ASXL3: variants seen among roughly 807,000 people sequenced by gnomAD.
ASXL3 encodes the protein ASXL transcriptional regulator 3.
In ASXL3, 34 loss-of-function variants were observed where a neutral mutation model predicts 170.6. That is an observed-to-expected ratio of 0.20 (90% CI 0.15 to 0.27). The LOEUF is 0.27. Among genes scored for constraint, ASXL3 ranks in the 10% least tolerant of loss-of-function variants. The pLI is 1.00. For synonymous variants in ASXL3, 1,002 were observed against 989.1 expected, an observed-to-expected ratio of 1.01 and a Z score of -0.24; for missense variants, 2,592 against 2,695.3, an observed-to-expected ratio of 0.96 and a Z score of 0.85.
chr18:33,726,459 G>A (rs2067352407), intron 8 of ASXL3, among the ~76,000 whole-genome samples: 1 of 152,000 alleles, frequency 6.6e-6, no homozygotes, highest in South Asian at 2.1e-4. Context: ...CGGCTCACTA[G>A]AATATGAAAT....
Position 33,745,906 on chromosome 18 carries a change from C to A in ASXL3, c.6058C>A (p.Pro2020Thr). 2 of 1,605,480 alleles carry A rather than the reference C, an allele frequency of 1.2e-6. No individual in the cohort carries two copies. Among genetic ancestry groups the A allele is most frequent in the African/African-American group, 2.7e-5 (2 of 74,222 alleles). Residue 2020 changes from proline to threonine, a missense_variant, in exon 12 of 12, where the codon CCA (proline) becomes ACA (threonine). Pro to Thr is a conservative substitution (Grantham distance 38). Around this residue, in one of 4 missense-constraint regions of ASXL3, gnomAD observed 2,246 missense variants for 2,219.6 expected, o/e 1.01. Coordinates refer to ENST00000269197, the MANE Select transcript of ASXL3 (RefSeq NM_030632.3). ...PNKALVHPPP[P>T]PPPPPPPPLA... is the part of the protein sequence containing the mutation. ...CAAAGCACTAGTACATCCGCCGCCG[C>A]CACCGCCTCCCCCTCCCCCTCCACC...
chr18:33,721,597 A>G (rs1209779850), intron 8 of ASXL3, among the ~76,000 whole-genome samples: 2 of 152,116 alleles, frequency 1.3e-5, no homozygotes, highest in Non-Finnish European at 2.9e-5. Context: ...AAACTCCATC[A>G]TAACAATAAT....
intron 5 of ASXL3, among the ~76,000 whole-genome samples, chr18:33,667,836 C>G (rs1265099332): frequency 6.6e-6 from 1 of 152,194 alleles, no homozygotes; most frequent in Non-Finnish European, 1.5e-5. Flanking sequence ...AAACTACTGT[C>G]CCTATTCACC....
At chr18:33,648,478 C>T (rs2065949386) in intron 4 of ASXL3, among the ~76,000 whole-genome samples, 1 of 151,930 alleles carries the variant, frequency 6.6e-6, no homozygotes, top group Non-Finnish European at 1.5e-5. Context: ...TTCAAGGGAA[C>T]CAGTTAAGGG....
chr18:33,676,039 A>G (rs1344183399), intron 7 of ASXL3, among the ~76,000 whole-genome samples: 3 of 151,858 alleles, frequency 2.0e-5, no homozygotes, highest in South Asian at 2.1e-4. Flanking sequence ...CCTGGCTAAC[A>G]CAGTGAAACC....
At chr18:33,715,643 G>A (rs1456037143) in intron 8 of ASXL3, among the ~76,000 whole-genome samples, 6 of 152,024 alleles carry the variant, frequency 3.9e-5, no homozygotes, top group Admixed American at 2.6e-4. Flanking sequence ...TAACAATAAC[G>A]TTTCTAATTT....
chr18:33,646,108 T>C, intron 3 of ASXL3, 137 bp from the exon 4 acceptor site: 1 of 619,218 alleles, frequency 1.6e-6, no homozygotes, highest in Non-Finnish European at 2.6e-6. Context: ...AGAATGATTT[T>C]ACATTAAAAA....
chr18:33,622,367 T>C (rs1431038466), intron 2 of ASXL3, among the ~76,000 whole-genome samples: 1 of 152,188 alleles, frequency 6.6e-6, no homozygotes, highest in Non-Finnish European at 1.5e-5. Context: ...GTTACAAGTG[T>C]ATGCTGCTGA....
At position 33,750,385 on chromosome 18, in the gene ASXL3, T is replaced by C. The variant is rs2067865583; in HGVS notation, c.*3790T>C. On this transcript the variant is annotated 3_prime_UTR_variant, in exon 12 of 12. Coordinates refer to ENST00000269197, the MANE Select transcript of ASXL3 (RefSeq NM_030632.3). ...ACTATATTTGATAGTTGCAGAATAA[T>C]TTAGACTGTAGAAAAACTTTGTTGT... The C allele has an allele frequency of 6.6e-6, 1 of 152,248 alleles. No homozygotes were observed. 9.4% of individuals were successfully genotyped at this position (152,248 alleles called of 1,614,324 possible).
At position 33,661,698 on chromosome 18, in the gene ASXL3, G is replaced by T. The variant is rs773723440; in HGVS notation, c.438G>T (p.Val146=). The T allele has an allele frequency of 1.2e-6, 2 of 1,612,884 alleles. No individual in the cohort carries two copies. The highest frequency in any genetic ancestry group is 1.7e-5 in the Admixed American group (1 of 59,802). The change falls in exon 5 of 12, where the codon GTG becomes GTT. Residue 146 remains valine, a synonymous_variant. Transcript: ENST00000269197. ...ACACAGCAGTGCAAAGCAAGTTAGT[G>T]TCTTCCTTCCAGCAGCACACCAAAA... ...LTNTAVQSKL[V]SSFQQHTKKA...
rs143739722 is a variant in ASXL3 at position 33,618,769 on chromosome 18, TTGA to T, written c.137+11096_137+11098del. Among the ~76,000 whole-genome samples, 420 of 152,268 alleles carry T rather than the reference TTGA, an allele frequency of 2.8e-3. 5 individuals are homozygous for T. The highest frequency in any genetic ancestry group is 9.4e-3 in the African/African-American group (389 of 41,576). On this transcript the variant is annotated intron_variant, in intron 2 of 11. Transcript: ENST00000269197. ...GTGAAGCATATCTTAAGCCTCATAC[TTGA>T]TGTTATTTTTTGATTTTAAAGTTGA...
chr18:33,626,272 T>G (rs749413471), intron 2 of ASXL3, among the ~76,000 whole-genome samples: 12 of 152,124 alleles, frequency 7.9e-5, no homozygotes, highest in Admixed American at 2.6e-4. Context: ...GCTCCATTGA[T>G]CATTTAAAAA....
At chr18:33,623,353 T>C (rs1379922339) in intron 2 of ASXL3, among the ~76,000 whole-genome samples, 1 of 152,174 alleles carries the variant, frequency 6.6e-6, no homozygotes, top group East Asian at 1.9e-4. Flanking sequence ...AATACTGGAC[T>C]TGTGATATTT....
rs773896616 is a variant in ASXL3, at chr18:33,578,645, GGAA to G, written c.22_24del (p.Lys8del). On this transcript the variant is annotated inframe_deletion, in exon 1 of 12. Coordinates refer to ENST00000269197, the MANE Select transcript of ASXL3 (RefSeq NM_030632.3). ...TGAGATGCAAACATGAAAGACAAGA[GGAA>G]GAAGAAGGACCGCACCTGGGCCGAG... The G allele has an allele frequency of 5.9e-6, 8 of 1,361,902 alleles. No homozygotes were observed. The highest frequency in any genetic ancestry group is 7.8e-6 in the Non-Finnish European group (8 of 1,031,368). 84.4% of individuals were successfully genotyped at this position (1,361,902 alleles called of 1,614,324 possible).
intron 4 of ASXL3, among the ~76,000 whole-genome samples, chr18:33,655,161 G>A (rs2066062873): frequency 6.6e-6 from 1 of 152,034 alleles, no homozygotes; most frequent in Admixed American, 6.6e-5. Flanking sequence ...TCTCTGGCAT[G>A]ATGACATTTT....
intron 8 of ASXL3, among the ~76,000 whole-genome samples, chr18:33,704,154 AT>A (rs1568338128): frequency 6.6e-6 from 1 of 152,278 alleles, no homozygotes; most frequent in East Asian, 1.9e-4. Context: ...CTCAATAATT[AT>A]TTTTTAATGA....
intron 8 of ASXL3, among the ~76,000 whole-genome samples, chr18:33,731,105 A>T (rs2145394998): frequency 6.6e-6 from 1 of 152,298 alleles, no homozygotes; most frequent in Admixed American, 6.5e-5. Context: ...CTCCTGAATG[A>T]TGATTGAACT....
intron 4 of ASXL3, among the ~76,000 whole-genome samples, chr18:33,658,276 A>G (rs1251391593): frequency 3.3e-5 from 5 of 152,142 alleles, no homozygotes; most frequent in Non-Finnish European, 7.4e-5. Flanking sequence ...TGAGTCCTTC[A>G]TTATTTATTT....
rs1365145017 is a variant in ASXL3, at chr18:33,744,391, G to A, written c.4543G>A (p.Ala1515Thr). 1.2e-5 allele frequency: 20 copies of A among 1,613,850 alleles called. No homozygotes were observed. Among genetic ancestry groups the A allele is most frequent in the East Asian group, 2.2e-5 (1 of 44,854 alleles). Residue 1515 changes from alanine to threonine, a missense_variant, in exon 12 of 12, where the codon GCG (alanine) becomes ACG (threonine). Physicochemically the swap from Ala to Thr is moderately conservative, Grantham distance 58 (BLOSUM62 0). This residue lies in a region of ASXL3 where 2,246 missense variants were observed against 2,219.6 expected (regional missense o/e 1.01). Transcript: ENST00000269197. ...GACAGAGGCATCCGTACAGCCCGTG[G>A]CGTGTCCTCAGGTGTCTGTGATTAG... ...VRTEASVQPV[A>T]CPQVSVISRP...
Sources: gnomAD v4.1 joint callset for allele counts (sites outside exome capture counted in the v4.1 genomes callset) on GRCh38, gnomAD v4.1.1 for gene constraint, gnomAD v4.1.1 regional missense constraint, MANE v1.5 for transcripts, NCBI Gene and HGNC (gene_info 2026-07-23, HGNC 2026-07-21) for gene names.